DNAH11: variants seen among roughly 807,000 people sequenced by gnomAD.
DNAH11 encodes axonemal beta dynein heavy chain 11.
A neutral mutation model predicts 526.0 loss-of-function variants in DNAH11; 442 were observed. The observed-to-expected ratio is 0.84, with a 90% confidence interval of 0.78 to 0.91. DNAH11 has a LOEUF of 0.91. Among genes scored for constraint, DNAH11 ranks in the 40% least tolerant of loss-of-function variants. The pLI, the probability that DNAH11 is intolerant of heterozygous loss-of-function variation, is 0.00. For missense variants in DNAH11, 6,989 were observed against 5,448.7 expected, an observed-to-expected ratio of 1.28 and a Z score of -8.90; for synonymous variants, 2,461 against 1,935.9, an observed-to-expected ratio of 1.27 and a Z score of -7.12.
chr7:21,862,093 T>G, intron 69 of DNAH11, 70 bp downstream of exon 69: 1 of 1,405,768 alleles, frequency 7.1e-7, no homozygotes, highest in South Asian at 1.5e-5. Context: ...ATTATATATT[T>G]TATTTCTGCT....
intron 66 of DNAH11, among the ~76,000 whole-genome samples, chr7:21,847,705 T>G (rs924569286): frequency 9.2e-5 from 14 of 152,244 alleles, no homozygotes; most frequent in Non-Finnish European, 1.5e-4. Flanking sequence ...GATGCACAGT[T>G]CGACTATATC....
chr7:21,718,359 C>T (rs1319866639), intron 43 of DNAH11, among the ~76,000 whole-genome samples: 2 of 152,106 alleles, frequency 1.3e-5, no homozygotes, highest in Admixed American at 6.5e-5. Flanking sequence ...AGAAGGTGCT[C>T]AGTATGTTTT....
intron 54 of DNAH11, among the ~76,000 whole-genome samples, chr7:21,763,808 A>T (rs1320948293): frequency 5.4e-5 from 8 of 149,206 alleles, no homozygotes; most frequent in Admixed American, 1.4e-4. Flanking sequence ...ATACATATAC[A>T]TATACATATA....
At chr7:21,687,030 GTA>G in intron 32 of DNAH11, 67 bp from the exon 33 acceptor site, 1 of 1,460,168 alleles carries the variant, frequency 6.8e-7, no homozygotes, top group Non-Finnish European at 9.2e-7. Context: ...TTTTTCTAAT[GTA>G]TTGCCTCTGA....
intron 51 of DNAH11, among the ~76,000 whole-genome samples, chr7:21,748,356 T>G (rs1322713883): frequency 6.6e-6 from 1 of 151,978 alleles, no homozygotes; most frequent in South Asian, 2.1e-4. Context: ...TGGTGGTGAG[T>G]GCCCGTAATC....
intron 28 of DNAH11, among the ~76,000 whole-genome samples, chr7:21,650,250 C>T (rs1182383226): frequency 1.3e-5 from 2 of 152,118 alleles, no homozygotes; most frequent in African/African-American, 2.4e-5. Flanking sequence ...AATCAAATTA[C>T]AAAATATTAT....
chr7:21,773,783 T>C lies in DNAH11; in HGVS notation c.9120T>C (p.Ser3040=), dbSNP rs1188716297. ...TKGIEPVHKD[S]ISLFMAHVHT... The stretch of plus-strand genomic sequence containing the variant: ...GTTTTCAGCCAGTGCACAAAGACTC[T>C]ATTAGCCTTTTCATGGCACATGTTC... Residue 3040 remains serine (S), a synonymous_variant, in exon 56 of 82, where the codon TCT becomes TCC. Transcript: ENST00000409508. 2 of 1,599,830 alleles carry C rather than the reference T, an allele frequency of 1.3e-6. No individual in the cohort carries two copies. Among genetic ancestry groups the C allele is most frequent in the Non-Finnish European group, 1.7e-6 (2 of 1,173,308 alleles).
At chr7:21,780,703 A>C (rs1787904422) in intron 57 of DNAH11, among the ~76,000 whole-genome samples, 1 of 152,228 alleles carries the variant, frequency 6.6e-6, no homozygotes, top group Non-Finnish European at 1.5e-5. Context: ...AACACAAAGA[A>C]GGGACATACT....
intron 66 of DNAH11, among the ~76,000 whole-genome samples, chr7:21,845,523 A>T (rs1016920097): frequency 7.9e-5 from 12 of 152,174 alleles, no homozygotes; most frequent in African/African-American, 2.9e-4. Flanking sequence ...GCCATATTTC[A>T]TATGAATAGA....
At chr7:21,737,188 G>T (rs912413204) in intron 46 of DNAH11, among the ~76,000 whole-genome samples, 1 of 152,186 alleles carries the variant, frequency 6.6e-6, no homozygotes, top group Non-Finnish European at 1.5e-5. Context: ...CTTAAGCAAA[G>T]ACATGGAAGA....
intron 42 of DNAH11, among the ~76,000 whole-genome samples, chr7:21,715,695 CCTT>C (rs1275852920): frequency 1.3e-5 from 2 of 152,002 alleles, no homozygotes; most frequent in East Asian, 1.9e-4. Flanking sequence ...AACAGTTTCT[CCTT>C]CTAAATTTAC....
chr7:21,551,337 C>T (rs1168145778), intron 2 of DNAH11, among the ~76,000 whole-genome samples: 2 of 152,176 alleles, frequency 1.3e-5, no homozygotes, highest in Non-Finnish European at 2.9e-5. Flanking sequence ...TATAGTGTTC[C>T]CTTTTTGATG....
At chr7:21,668,001 C>A (rs532006916) in intron 30 of DNAH11, among the ~76,000 whole-genome samples, 3 of 152,140 alleles carry the variant, frequency 2.0e-5, no homozygotes, top group Admixed American at 2.0e-4. Context: ...CACCATGTTA[C>A]ATCAACTGTT....
chr7:21,577,917 T>C (rs576642146), intron 8 of DNAH11, among the ~76,000 whole-genome samples: 9 of 152,176 alleles, frequency 5.9e-5, no homozygotes, highest in Non-Finnish European at 1.2e-4. Flanking sequence ...AGTGTATTAG[T>C]CCATTTTCAC....
At chr7:21,797,735 C>T (rs1788782670) in intron 61 of DNAH11, among the ~76,000 whole-genome samples, 1 of 152,160 alleles carries the variant, frequency 6.6e-6, no homozygotes, top group Non-Finnish European at 1.5e-5. Flanking sequence ...AGTACTTATT[C>T]CTGGTGAACA....
At chr7:21,749,594 T>C in intron 52 of DNAH11, 84 bp from the exon 53 acceptor site, 1 of 1,558,168 alleles carries the variant, frequency 6.4e-7, no homozygotes. Flanking sequence ...ATACAGTTAC[T>C]GAGTTCTCCC....
rs1785093023 is a variant in DNAH11, at chr7:21,601,601, G to C, written c.3631G>C (p.Val1211Leu). Residue 1211 changes from valine (V) to leucine (L), a missense_variant, in exon 18 of 82, where the codon GTC becomes CTC. By Grantham distance (32) the Val-to-Leu change is conservative. Coordinates refer to ENST00000409508, the MANE Select transcript of DNAH11 (RefSeq NM_001277115.2). ...CTATGGCCAGAAGATGCCTGAGCAG[G>C]TCTATATTCAGCTAGAGGTAAGTGC... ...ESYGQKMPEQVYIQLEELPER... is the reference protein window; with the variant it reads ...ESYGQKMPEQLYIQLEELPER... 2 of 1,580,892 alleles carry C rather than the reference G, an allele frequency of 1.3e-6. No individual in the cohort carries two copies. The highest frequency in any genetic ancestry group is 2.3e-5 in the South Asian group (2 of 87,014).
chr7:21,750,136 T>TCAAA, intron 53 of DNAH11, 86 bp from the exon 54 acceptor site: 1 of 1,439,486 alleles, frequency 6.9e-7, no homozygotes, highest in Non-Finnish European at 9.2e-7. Flanking sequence ...AACTTTGTCT[T>TCAAA]GTAAAACATT....
chr7:21,628,220 G>C (rs1383363217), intron 25 of DNAH11, among the ~76,000 whole-genome samples: 1 of 151,862 alleles, frequency 6.6e-6, no homozygotes, highest in East Asian at 1.9e-4. Context: ...CTAAGTACAA[G>C]ATCATGTAAT....
Sources: gnomAD v4.1 joint callset for allele counts (sites outside exome capture counted in the v4.1 genomes callset) on GRCh38, gnomAD v4.1.1 for gene constraint, MANE v1.5 for transcripts, NCBI Gene and HGNC (gene_info 2026-07-23, HGNC 2026-07-21) for gene names.